Variants in CENPP observed in about 807,000 individuals in gnomAD.
CENPP encodes centromere protein P.
In CENPP, 24 loss-of-function variants were observed where a neutral mutation model predicts 35.6. The ratio of observed to expected loss-of-function variants is 0.67; its 90% CI spans 0.49 to 0.95. CENPP has a LOEUF of 0.95. Among genes scored for constraint, CENPP ranks in the 40% least tolerant of loss-of-function variants. The pLI is 0.00. For missense variants in CENPP, 332 were observed against 345.3 expected (o/e 0.96, Z 0.31); for synonymous variants, 120 against 125.5 (o/e 0.96, Z 0.29).
intron 5 of CENPP, among the ~76,000 whole-genome samples, chr9:92,536,309 C>A (rs563230405): frequency 2.0e-5 from 3 of 152,092 alleles, no homozygotes; most frequent in African/African-American, 7.2e-5. Flanking sequence ...ATAGACTATT[C>A]GCATTAAAAA....
intron 5 of CENPP, among the ~76,000 whole-genome samples, chr9:92,412,028 A>G (rs1843457619): frequency 6.6e-6 from 1 of 152,150 alleles, no homozygotes; most frequent in Non-Finnish European, 1.5e-5. Context: ...GAGATAAGTC[A>G]CATTCAATAC....
chr9:92,438,634 T>C (rs1203030116), intron 5 of CENPP, among the ~76,000 whole-genome samples: 1 of 152,238 alleles, frequency 6.6e-6, no homozygotes, highest in Non-Finnish European at 1.5e-5. Flanking sequence ...ATTGAGTGCT[T>C]AGTATTTAAA....
intron 5 of CENPP, among the ~76,000 whole-genome samples, chr9:92,500,504 A>C (rs1846606192): frequency 6.6e-6 from 1 of 152,206 alleles, no homozygotes. Context: ...TAACTATGGA[A>C]ATTTATAAAC....
At chr9:92,363,014 T>C (rs1841798723) in intron 4 of CENPP, among the ~76,000 whole-genome samples, 1 of 152,212 alleles carries the variant, frequency 6.6e-6, no homozygotes, top group Non-Finnish European at 1.5e-5. Flanking sequence ...TTTGAGCACT[T>C]CCTCATATTC....
intron 5 of CENPP, among the ~76,000 whole-genome samples, chr9:92,561,488 A>AC (rs1248574586): frequency 6.6e-6 from 1 of 152,224 alleles, no homozygotes; most frequent in Admixed American, 6.5e-5. Flanking sequence ...GTCTAAACCA[A>AC]CCTGTTTTAA....
At chr9:92,608,826 TA>T (rs953271707) in intron 5 of CENPP, among the ~76,000 whole-genome samples, 9 of 152,270 alleles carry the variant, frequency 5.9e-5, no homozygotes, top group Admixed American at 4.6e-4. Flanking sequence ...ACACTTTTTT[TA>T]CTGAAAGCAT....
At chr9:92,416,056 G>T (rs1331075246) in intron 5 of CENPP, among the ~76,000 whole-genome samples, 11 of 83,442 alleles carry the variant, frequency 1.3e-4, no homozygotes, top group African/African-American at 3.6e-4. Flanking sequence ...TTATATATGT[G>T]TGTATATATA....
chr9:92,592,792 A>G (rs1319843787), intron 5 of CENPP, among the ~76,000 whole-genome samples: 4 of 152,192 alleles, frequency 2.6e-5, no homozygotes, highest in Non-Finnish European at 5.9e-5. Context: ...ATTTTTAGCC[A>G]GTTGGGTGTG....
At chr9:92,552,064 GATATGATAGATCTATCATATATGTGAT>G (rs1400177735) in intron 5 of CENPP, among the ~76,000 whole-genome samples, 4 of 131,206 alleles carry the variant, frequency 3.0e-5, no homozygotes, top group Non-Finnish European at 6.3e-5. Flanking sequence ...TCATATATGT[GATATGATAGATCTATCATATATGTGAT>G]ATGATAGATC....
rs187659757 is a variant in CENPP, at chr9:92,433,887, C to T, written c.564+54028C>T. On this transcript the variant is annotated intron_variant, in intron 5 of 7. Coordinates refer to ENST00000375587, the MANE Select transcript of CENPP (RefSeq NM_001012267.3). ...GCAGAGGTTGCAGGTGAGCCAAGATCGCGCCATTGCACTCCAGCCTGGGTG... is the reference window on the plus strand; with the variant it reads ...GCAGAGGTTGCAGGTGAGCCAAGATTGCGCCATTGCACTCCAGCCTGGGTG... Among the ~76,000 whole-genome samples, 184 of 151,404 alleles carry T rather than the reference C, an allele frequency of 1.2e-3. 1 individual carries two copies. The highest frequency in any genetic ancestry group is 4.3e-3 in the African/African-American group (178 of 41,252).
chr9:92,537,383 G>A (rs186196464), intron 5 of CENPP, among the ~76,000 whole-genome samples: 96 of 152,160 alleles, frequency 6.3e-4, no homozygotes, highest in Non-Finnish European at 7.4e-4. Context: ...AAAACTAGCT[G>A]AGTGCAGTGG....
At chr9:92,564,576 A>G (rs937247571) in intron 5 of CENPP, among the ~76,000 whole-genome samples, 3 of 152,174 alleles carry the variant, frequency 2.0e-5, no homozygotes, top group African/African-American at 4.8e-5. Flanking sequence ...GAGCAAATGC[A>G]TGATAGGATA....
chr9:92,385,745 T>G, intron 5 of CENPP: 1 of 1,614,160 alleles, frequency 6.2e-7, no homozygotes, highest in African/African-American at 1.3e-5. Flanking sequence ...CTGGTGTCAT[T>G]AGCCTTGCAG....
At chr9:92,375,576 G>A (rs758415181) in intron 4 of CENPP, among the ~76,000 whole-genome samples, 4 of 152,046 alleles carry the variant, frequency 2.6e-5, no homozygotes, top group South Asian at 2.1e-4. Context: ...GATTACAGGC[G>A]TGAGCCACCG....
At chr9:92,568,591 G>A (rs890694863) in intron 5 of CENPP, among the ~76,000 whole-genome samples, 1 of 152,158 alleles carries the variant, frequency 6.6e-6, no homozygotes, top group Admixed American at 6.5e-5. Flanking sequence ...AATCCTTTGG[G>A]TATATACACA....
chr9:92,369,717 A>G (rs1490744574), intron 4 of CENPP, among the ~76,000 whole-genome samples: 1 of 152,234 alleles, frequency 6.6e-6, no homozygotes, highest in Non-Finnish European at 1.5e-5. Flanking sequence ...CATTTATCAA[A>G]TCTAAGAGTT....
chr9:92,574,337 A>G (rs1433122020), intron 5 of CENPP, among the ~76,000 whole-genome samples: 1 of 152,194 alleles, frequency 6.6e-6, no homozygotes, highest in African/African-American at 2.4e-5. Context: ...AAACCTGTGA[A>G]AACAAATAAA....
intron 5 of CENPP, among the ~76,000 whole-genome samples, chr9:92,437,340 T>C (rs957939205): frequency 6.6e-6 from 1 of 152,214 alleles, no homozygotes; most frequent in Non-Finnish European, 1.5e-5. Context: ...TATAAGTCCT[T>C]TATCAAATAT....
At chr9:92,559,359 A>G (rs4302908) in intron 5 of CENPP, among the ~76,000 whole-genome samples, 71,105 of 151,950 alleles carry the variant, frequency 0.47, 19,207 homozygotes, top group African/African-American at 0.74. Flanking sequence ...TCCGGGTAAA[A>G]TCGGAAACTT....
Sources: gnomAD v4.1 joint callset for allele counts (sites outside exome capture counted in the v4.1 genomes callset) on GRCh38, gnomAD v4.1.1 for gene constraint, MANE v1.5 for transcripts, NCBI Gene and HGNC (gene_info 2026-07-23, HGNC 2026-07-21) for gene names.